The following RPS6KA5 variants were observed in gnomAD, a reference collection of about 807,000 sequenced individuals.
RPS6KA5 encodes the protein ribosomal protein S6 kinase alpha-5.
RPS6KA5 carries 27 observed loss-of-function variants against 85.5 expected under a neutral mutation model. The observed-to-expected ratio is 0.32, with a 90% CI of 0.23 to 0.44. The LOEUF (loss-of-function observed/expected upper bound fraction) is 0.44. RPS6KA5 is among the 20% of genes least tolerant of loss of function. The pLI, the probability that RPS6KA5 is intolerant of heterozygous loss-of-function variation, is 1.00. For synonymous variants in RPS6KA5, 334 were observed against 348.2 expected (o/e 0.96, Z 0.46); for missense variants, 811 against 980.9 (o/e 0.83, Z 2.31).
chr14:90,866,097 C>T lies in RPS6KA5; in HGVS notation c.*5977G>A, dbSNP rs2032790694. 1 of 152,120 alleles carries T rather than the reference C, an allele frequency of 6.6e-6. No individual in the cohort carries two copies. The highest frequency in any genetic ancestry group is 6.5e-5 in the Admixed American group (1 of 15,268). 9.4% of individuals were successfully genotyped at this position (152,120 alleles called of 1,614,324 possible). ...AGTGAAATACCAGTGTAGAAATACACAAATGAGTGTGGACACACCATAGAA... is the reference window on the plus strand; with the variant it reads ...AGTGAAATACCAGTGTAGAAATACATAAATGAGTGTGGACACACCATAGAA... On this transcript the variant is annotated 3_prime_UTR_variant, in exon 17 of 17. Coordinates refer to ENST00000614987, the MANE Select transcript of RPS6KA5 (RefSeq NM_004755.4).
intron 4 of RPS6KA5, among the ~76,000 whole-genome samples, 162 bp from the exon 5 acceptor site, chr14:90,943,347 C>A (rs776020201): frequency 1.3e-5 from 2 of 151,484 alleles, no homozygotes; most frequent in African/African-American, 4.9e-5. Context: ...AATGGAAATT[C>A]TTTTATCTGC....
At chr14:90,909,234 A>C (rs929205191) in intron 7 of RPS6KA5, among the ~76,000 whole-genome samples, 1 of 152,190 alleles carries the variant, frequency 6.6e-6, no homozygotes, top group Non-Finnish European at 1.5e-5. Context: ...GGGCAGGGAG[A>C]CATTTCTTGG....
At chr14:90,916,589 T>C (rs1210209427) in intron 7 of RPS6KA5, among the ~76,000 whole-genome samples, 2 of 152,164 alleles carry the variant, frequency 1.3e-5, no homozygotes, top group East Asian at 1.9e-4. Context: ...ACATACAAGA[T>C]TTATGCCAGG....
Position 90,906,238 on chromosome 14 carries a change from T to C in RPS6KA5, c.868A>G (p.Ile290Val). The change falls in exon 8 of 17, where the codon ATT (isoleucine) becomes GTT (valine). Residue 290 changes from isoleucine to valine, a missense_variant. Ile to Val is a conservative substitution (Grantham distance 29, BLOSUM62 3). Transcript: ENST00000614987. ...QEMSALAKDL[I>V]QRLLMKDPKK... is the part of the protein sequence containing the mutation. ...GGATCTTTCATCAAAAGACGCTGAA[T>C]TAGGTCTTTCGCTAAAGCACTCATT... 5 of 1,612,866 alleles carry C rather than the reference T, an allele frequency of 3.1e-6. No individual in the cohort carries two copies. Among genetic ancestry groups the C allele is most frequent in the Non-Finnish European group, 4.2e-6 (5 of 1,179,008 alleles).
At chr14:90,903,244 C>A (rs1010046137) in intron 8 of RPS6KA5, among the ~76,000 whole-genome samples, 2 of 151,280 alleles carry the variant, frequency 1.3e-5, no homozygotes, top group African/African-American at 4.8e-5. Flanking sequence ...CCTTTAAAGA[C>A]AACAGAAGAA....
At chr14:91,029,460 T>C (rs2042102323) in intron 1 of RPS6KA5, among the ~76,000 whole-genome samples, 1 of 152,232 alleles carries the variant, frequency 6.6e-6, no homozygotes, top group Non-Finnish European at 1.5e-5. Context: ...TTTAAAATTT[T>C]CATTCTACAA....
chr14:90,992,343 T>C (rs554867806), intron 2 of RPS6KA5, among the ~76,000 whole-genome samples: 1 of 152,280 alleles, frequency 6.6e-6, no homozygotes, highest in African/African-American at 2.4e-5. Context: ...TGATCCATTA[T>C]AAAACAGTGC....
At chr14:91,001,954 C>T (rs950294461) in intron 1 of RPS6KA5, among the ~76,000 whole-genome samples, 1 of 152,070 alleles carries the variant, frequency 6.6e-6, no homozygotes, top group Non-Finnish European at 1.5e-5. Flanking sequence ...ACTGCTGAAC[C>T]TTACAGATCC....
intron 14 of RPS6KA5, among the ~76,000 whole-genome samples, chr14:90,877,996 G>A (rs992217388): frequency 6.6e-6 from 1 of 152,114 alleles, no homozygotes; most frequent in Non-Finnish European, 1.5e-5. Context: ...TCCCCTCTAT[G>A]GAAAGAATCC....
Position 90,966,989 on chromosome 14 carries a change from G to A in RPS6KA5, c.394+11317C>T, listed in dbSNP as rs538029782. Reference sequence around the variant, plus strand: ...CTTCAGACTTATTCTGTTTACAACTGAAGAACAAAAGAAAACTATCAATAG... The same window carrying A: ...CTTCAGACTTATTCTGTTTACAACTAAAGAACAAAAGAAAACTATCAATAG... On this transcript the variant is annotated intron_variant, in intron 3 of 16. Transcript: ENST00000614987. 5.9e-5 allele frequency among the ~76,000 whole-genome samples: 9 copies of A among 152,182 alleles called. No homozygotes were observed. The South Asian group carries it at 1.2e-3, about 21-fold the overall frequency.
At chr14:90,909,072 G>A (rs1001058763) in intron 7 of RPS6KA5, among the ~76,000 whole-genome samples, 1 of 152,224 alleles carries the variant, frequency 6.6e-6, no homozygotes. Flanking sequence ...ACTGGTGCCA[G>A]ATTCCAGTCT....
intron 1 of RPS6KA5, among the ~76,000 whole-genome samples, chr14:91,046,862 T>A (rs2042894777): frequency 6.6e-6 from 1 of 151,966 alleles, no homozygotes; most frequent in African/African-American, 2.4e-5. Flanking sequence ...ATGAACACCA[T>A]ATGACAAAGA....
At chr14:90,999,683 G>A (rs2040696724) in intron 2 of RPS6KA5, among the ~76,000 whole-genome samples, 1 of 152,214 alleles carries the variant, frequency 6.6e-6, no homozygotes, top group South Asian at 2.1e-4. Context: ...GCAAGGCCTA[G>A]TGTAAAATGA....
At chr14:91,051,697 C>T (rs892926877) in intron 1 of RPS6KA5, among the ~76,000 whole-genome samples, 1 of 151,996 alleles carries the variant, frequency 6.6e-6, no homozygotes, top group Non-Finnish European at 1.5e-5. Flanking sequence ...CCATGTTGGC[C>T]AGGCTGGTCT....
At chr14:91,060,119 C>A (rs1401826417) in intron 1 of RPS6KA5, 13 of 985,176 alleles carry the variant, frequency 1.3e-5, no homozygotes, top group Non-Finnish European at 1.4e-5. Context: ...CGCTCATTCC[C>A]GGGCTGGGGA....
chr14:90,906,968 A>C (rs1347363867), intron 7 of RPS6KA5, among the ~76,000 whole-genome samples: 2 of 152,342 alleles, frequency 1.3e-5, no homozygotes, highest in Non-Finnish European at 2.9e-5. Context: ...GATGGAGTAA[A>C]ATCCACAATT....
chr14:90,933,815 TCTCA>T (rs1450542191), intron 5 of RPS6KA5, among the ~76,000 whole-genome samples: 4 of 152,148 alleles, frequency 2.6e-5, no homozygotes, highest in Non-Finnish European at 4.4e-5. Context: ...CTACTGTAAC[TCTCA>T]CTCATTCTGT....
chr14:90,962,380 T>A (rs1224438750), intron 3 of RPS6KA5, among the ~76,000 whole-genome samples: 1 of 151,934 alleles, frequency 6.6e-6, no homozygotes, highest in Non-Finnish European at 1.5e-5. Context: ...CACAGCTCAC[T>A]GCAGCCTTGA....
chr14:91,035,378 C>G (rs1419040468), intron 1 of RPS6KA5, among the ~76,000 whole-genome samples: 1 of 152,088 alleles, frequency 6.6e-6, no homozygotes, highest in Non-Finnish European at 1.5e-5. Flanking sequence ...TTATGGGACA[C>G]TAAAAATGAG....
Sources: allele counts gnomAD v4.1 joint callset (sites outside exome capture counted in the v4.1 genomes callset), GRCh38; gene constraint gnomAD v4.1.1; transcripts MANE v1.5; gene names NCBI Gene and HGNC (gene_info 2026-07-23, HGNC 2026-07-21).